The following C10orf71 variants were observed in gnomAD, a reference collection of about 807,000 sequenced individuals.
The protein encoded by C10orf71 is chromosome 10 open reading frame 71, also known as cardiac-enriched FHL2-interacting protein.
For missense variants in C10orf71, 1,869 were observed against 1,804.5 expected, an observed-to-expected ratio of 1.04 and a Z score of -0.65; for synonymous variants, 758 against 726.3, an observed-to-expected ratio of 1.04 and a Z score of -0.70.
At position 49,316,616 on chromosome 10, in the gene C10orf71, A is replaced by G. The variant is rs558265622; in HGVS notation, c.-145+369A>G. On this transcript the variant is annotated intron_variant, in intron 2 of 2. Transcript: ENST00000374144. ...GAGGCAGAAATTCATATGTATTAAA[A>G]GAAAAATGGAGGTCTTGTAGCCTCA... 9.2e-5 allele frequency among the ~76,000 whole-genome samples: 14 copies of G among 152,354 alleles called. No homozygotes were observed. The South Asian group carries it at 2.9e-3, about 32-fold the overall frequency.
Position 49,322,885 on chromosome 10 carries a change from A to C in C10orf71, c.340A>C (p.Lys114Gln), listed in dbSNP as rs765136854. The change falls in exon 3 of 3, where the codon AAA becomes CAA. Residue 114 changes from lysine to glutamine, a missense_variant. Lys to Gln is a moderately conservative substitution (Grantham distance 53). Transcript: ENST00000374144. ...CGTTCAGGGAGAGGAAAAGTACCCC[A>C]AAACCAGCCCCCCACCAACGCCAGT... is the stretch of plus-strand genomic sequence containing the variant. ...KYVQGEEKYP[K>Q]TSPPPTPVQR... is the part of the protein sequence containing the mutation. The C allele has an allele frequency of 3.1e-6, 5 of 1,613,798 alleles. No homozygotes were observed. Among genetic ancestry groups the C allele is most frequent in the African/African-American group, 1.3e-5 (1 of 74,914 alleles).
In C10orf71 at chr10:49,325,732, G is replaced by A. The variant is rs1361840536; in HGVS notation, c.3187G>A (p.Gly1063Arg). 6 of 1,551,292 alleles carry A rather than the reference G, an allele frequency of 3.9e-6. No homozygotes were observed. The highest frequency in any genetic ancestry group is 5.2e-6 in the Non-Finnish European group (6 of 1,146,714). ...GAATTCCCCCAACCCCGGCTCCCCC[G>A]GGGAGAGCAGTGCCTGCTCCCCTGC... ...RANSPNPGSP[G>R]ESSACSPAAS... Residue 1063 changes from glycine to arginine, a missense_variant, in exon 3 of 3, where the codon GGG (glycine) becomes AGG (arginine). Gly to Arg is a moderately radical substitution (Grantham distance 125). Transcript: ENST00000374144.
chr10:49,309,009 C>G (rs1848865457), intron 1 of C10orf71, among the ~76,000 whole-genome samples: 1 of 152,226 alleles, frequency 6.6e-6, no homozygotes, highest in Non-Finnish European at 1.5e-5. Context: ...CCAGTCACAG[C>G]TCAGTTTCAT....
chr10:49,306,581 C>G (rs1021440534), intron 1 of C10orf71, among the ~76,000 whole-genome samples: 2 of 152,192 alleles, frequency 1.3e-5, no homozygotes, highest in Admixed American at 1.3e-4. Flanking sequence ...GCTAGTGCTC[C>G]CTCCCTGATT....
chr10:49,325,540 T>C lies in C10orf71; in HGVS notation c.2995T>C (p.Trp999Arg), dbSNP rs1409245515. Residue 999 changes from tryptophan to arginine, a missense_variant, in exon 3 of 3, where the codon TGG becomes CGG. Transcript: ENST00000374144. ...SADSGKLAAP[W>R]HIPTIALPEG... ...AGACTCAGGGAAGCTGGCAGCCCCATGGCACATCCCCACCATTGCTTTACC... is the reference window on the plus strand; with the variant it reads ...AGACTCAGGGAAGCTGGCAGCCCCACGGCACATCCCCACCATTGCTTTACC... 1.9e-6 allele frequency: 3 copies of C among 1,550,400 alleles called. No individual in the cohort carries two copies. The highest frequency in any genetic ancestry group is 2.6e-6 in the Non-Finnish European group (3 of 1,145,966).
chr10:49,306,910 C>T (rs78501506), intron 1 of C10orf71, among the ~76,000 whole-genome samples: 5,097 of 152,264 alleles, frequency 0.033, 112 homozygotes, highest in Middle Eastern at 0.088. Context: ...GGGGGTGGCC[C>T]TGCAGTTTGG....
Position 49,323,684 on chromosome 10 carries a change from C to T in C10orf71, c.1139C>T (p.Pro380Leu). The part of the protein sequence containing the change: ...PDSQEKPAQP[P>L]WRKPKTGKKG... ...TCTCAAGAGAAGCCAGCCCAGCCCC[C>T]ATGGAGGAAGCCAAAGACTGGCAAA... is the stretch of plus-strand genomic sequence containing the variant. Residue 380 changes from proline to leucine, a missense_variant, in exon 3 of 3, where the codon CCA (proline) becomes CTA (leucine). Physicochemically the swap from Pro to Leu is moderately conservative, Grantham distance 98. Coordinates refer to ENST00000374144, the MANE Select transcript of C10orf71 (RefSeq NM_001135196.2). The T allele has an allele frequency of 6.2e-7, 1 of 1,613,786 alleles. No homozygotes were observed.
chr10:49,324,430 G>T lies in C10orf71; in HGVS notation c.1885G>T (p.Gly629Ter). The change falls in exon 3 of 3, where the codon GGA becomes TGA. Residue 629 changes from glycine to a stop codon, truncating the protein, a stop_gained. Transcript: ENST00000374144. LOFTEE classifies it low-confidence loss of function (END_TRUNC). The stretch of plus-strand genomic sequence containing the variant: ...AGGAGAGTTGGAGATGGGTCCTGCC[G>T]GATCCAGCTGGTGTCCAGACTCCAG... ...VEGELEMGPA[G>*]SSWCPDSREH... 6.2e-7 allele frequency: 1 copy of T among 1,609,122 alleles called. No homozygotes were observed. The highest frequency in any genetic ancestry group is 1.1e-5 in the South Asian group (1 of 90,328).
rs77758914 is a variant in C10orf71 at position 49,309,081 on chromosome 10, G to A, written c.-247-7064G>A. ...GTGTTATCAAGGAATAAGTGAGCAC[G>A]GGCAGGTGCAGGGGTCGACCTGCTG... On this transcript the variant is annotated intron_variant, in intron 1 of 2. Coordinates refer to ENST00000374144, the MANE Select transcript of C10orf71 (RefSeq NM_001135196.2). 4.8e-3 allele frequency among the ~76,000 whole-genome samples: 736 copies of A among 152,316 alleles called. 9 individuals carry two copies. Among genetic ancestry groups the A allele is most frequent in the African/African-American group, 0.017 (702 of 41,556 alleles).
At position 49,326,732 on chromosome 10, in the gene C10orf71, C is replaced by G. The variant is rs1434033920; in HGVS notation, c.4187C>G (p.Ser1396Cys). 1 of 1,551,396 alleles carries G rather than the reference C, an allele frequency of 6.4e-7. No individual in the cohort carries two copies. The highest frequency in any genetic ancestry group is 8.7e-7 in the Non-Finnish European group (1 of 1,147,000). Reference sequence around the variant, plus strand: ...CCTCACGGTGACTGCACCCCGCACTCTGCAGGCCAGCGCCCTCATGGTCCT... The same window carrying G: ...CCTCACGGTGACTGCACCCCGCACTGTGCAGGCCAGCGCCCTCATGGTCCT... ...PGPHGDCTPHSAGQRPHGPPQ... is the reference protein window; with the variant it reads ...PGPHGDCTPHCAGQRPHGPPQ... The change falls in exon 3 of 3, where the codon TCT (serine) becomes TGT (cysteine). Residue 1396 changes from serine (S) to cysteine (C), a missense_variant. Ser to Cys is a moderately radical substitution (Grantham distance 112). Transcript: ENST00000374144.
intron 1 of C10orf71, among the ~76,000 whole-genome samples, chr10:49,306,256 A>G (rs1471939307): frequency 6.6e-6 from 1 of 152,222 alleles, no homozygotes; most frequent in East Asian, 1.9e-4. Flanking sequence ...AGTGCCTGCC[A>G]CAGGGACCGA....
rs1373420479 is a variant in C10orf71 at position 49,323,175 on chromosome 10, C to T, written c.630C>T (p.Tyr210=). ...TTTCCAACACCCATCAGAACAGCTA[C>T]CAGCCAGGCAGGAAGCACGGAGAAC... The part of the protein sequence containing the change: ...AEVSNTHQNS[Y]QPGRKHGEQE... Residue 210 remains tyrosine (Y), a synonymous_variant, in exon 3 of 3, where the codon TAC becomes TAT. Transcript: ENST00000374144. 1 of 1,613,990 alleles carries T rather than the reference C, an allele frequency of 6.2e-7. No homozygotes were observed. Among genetic ancestry groups the T allele is most frequent in the East Asian group, 2.2e-5 (1 of 44,884 alleles).
In C10orf71 at chr10:49,322,435, C is replaced by G; in HGVS notation, c.-111C>G. 1 of 1,329,072 alleles carries G rather than the reference C, an allele frequency of 7.5e-7. No individual in the cohort carries two copies. The highest frequency in any genetic ancestry group is 1.0e-6 in the Non-Finnish European group (1 of 1,000,574). 82.3% of individuals were successfully genotyped at this position (1,329,072 alleles called of 1,614,324 possible). ...AAAAATCCCCACTTTGCAATTGCATCTGGTCAATGAGAGGCTCTAGTTTTG... is the reference window on the plus strand; with the variant it reads ...AAAAATCCCCACTTTGCAATTGCATGTGGTCAATGAGAGGCTCTAGTTTTG... On this transcript the variant is annotated 5_prime_UTR_variant, in exon 3 of 3. The change creates a new upstream start codon in the 5' untranslated region. Transcript: ENST00000374144.
chr10:49,305,741 C>A (rs1483357110), intron 1 of C10orf71, among the ~76,000 whole-genome samples: 1 of 152,228 alleles, frequency 6.6e-6, no homozygotes, highest in Non-Finnish European at 1.5e-5. Context: ...GTCTCCAATT[C>A]TCCATCCAGA....
chr10:49,314,926 T>C (rs964429261), intron 1 of C10orf71, among the ~76,000 whole-genome samples: 14 of 152,228 alleles, frequency 9.2e-5, no homozygotes, highest in Non-Finnish European at 1.5e-4. Flanking sequence ...CTTCCATTTA[T>C]TGAGTTCAGT....
rs547226579 is a variant in C10orf71 at position 49,310,521 on chromosome 10, G to A, written c.-247-5624G>A. On this transcript the variant is annotated intron_variant, in intron 1 of 2. Coordinates refer to ENST00000374144, the MANE Select transcript of C10orf71 (RefSeq NM_001135196.2). Reference sequence around the variant, plus strand: ...CTGTCTTTACATGCTGTGTGGCACTGAGCAACATCCTGCACCTCTCTGTGC... The same window carrying A: ...CTGTCTTTACATGCTGTGTGGCACTAAGCAACATCCTGCACCTCTCTGTGC... Among the ~76,000 whole-genome samples, 6 of 152,302 alleles carry A rather than the reference G, an allele frequency of 3.9e-5. No homozygotes were observed. The East Asian group carries it at 9.6e-4, about 24-fold the overall frequency.
At chr10:49,303,885 T>C (rs1336458648) in intron 1 of C10orf71, among the ~76,000 whole-genome samples, 1 of 152,208 alleles carries the variant, frequency 6.6e-6, no homozygotes, top group Non-Finnish European at 1.5e-5. Flanking sequence ...GCCTTACCCC[T>C]GCTGTGCTGG....
chr10:49,311,866 G>C (rs988482510), intron 1 of C10orf71, among the ~76,000 whole-genome samples: 13 of 152,312 alleles, frequency 8.5e-5, no homozygotes, highest in African/African-American at 3.1e-4. Flanking sequence ...AGGGACTTGA[G>C]GGTCTGCATA....
In C10orf71 at chr10:49,326,268, C is replaced by A. The variant is rs970533134; in HGVS notation, c.3723C>A (p.Pro1241=). Residue 1241 remains proline (P), a synonymous_variant, in exon 3 of 3, where the codon CCC becomes CCA. Coordinates refer to ENST00000374144, the MANE Select transcript of C10orf71 (RefSeq NM_001135196.2). ...NFPVVRSLPP[P]VHRHSVSGFS... Reference sequence around the variant, plus strand: ...CCGTGGTCCGTTCCCTGCCCCCTCCCGTGCACCGCCACTCCGTGTCCGGCT... The same window carrying A: ...CCGTGGTCCGTTCCCTGCCCCCTCCAGTGCACCGCCACTCCGTGTCCGGCT... The A allele has an allele frequency of 4.5e-6, 7 of 1,549,462 alleles. No individual in the cohort carries two copies. In the African/African-American group the frequency reaches 8.2e-5, roughly 18 times the overall value.
Sources: gnomAD v4.1 joint callset for allele counts (sites outside exome capture counted in the v4.1 genomes callset) on GRCh38, gnomAD v4.1.1 for gene constraint, MANE v1.5 for transcripts, NCBI Gene and HGNC (gene_info 2026-07-23, HGNC 2026-07-21) for gene names.